Variants in KIAA0319 observed in about 807,000 individuals in gnomAD.
KIAA0319 encodes KIAA0319.
A neutral mutation model predicts 108.4 loss-of-function variants in KIAA0319; 83 were observed. The observed-to-expected ratio is 0.77, with a 90% confidence interval of 0.64 to 0.92. The LOEUF (loss-of-function observed/expected upper bound fraction) is 0.92. Among genes scored for constraint, KIAA0319 ranks in the 40% least tolerant of loss-of-function variants. The probability of loss-of-function intolerance (pLI) is 0.00; values close to 1 mark genes in which losing one functional copy is unlikely to be tolerated. For missense variants in KIAA0319, 1,195 were observed against 1,322.4 expected (o/e 0.90, Z 1.49); for synonymous variants, 484 against 510.4 (o/e 0.95, Z 0.70).
At chr6:24,610,806 T>C (rs1258566448) in intron 1 of KIAA0319, among the ~76,000 whole-genome samples, 2 of 152,070 alleles carry the variant, frequency 1.3e-5, no homozygotes, top group African/African-American at 4.8e-5. Context: ...ACATGAATGT[T>C]CATAATAGCC....
chr6:24,559,992 A>G (rs1216976636), intron 16 of KIAA0319, among the ~76,000 whole-genome samples: 2 of 152,164 alleles, frequency 1.3e-5, no homozygotes, highest in Admixed American at 6.5e-5. Context: ...TTCACTTACC[A>G]TCATGTTTTC....
chr6:24,569,156 TTC>T (rs1262644058), intron 12 of KIAA0319, among the ~76,000 whole-genome samples: 1 of 152,196 alleles, frequency 6.6e-6, no homozygotes, highest in East Asian at 1.9e-4. Flanking sequence ...AGAATATTTG[TTC>T]TCGATTTTTT....
intron 1 of KIAA0319, among the ~76,000 whole-genome samples, chr6:24,615,840 T>A (rs1773074854): frequency 6.6e-6 from 1 of 152,228 alleles, no homozygotes; most frequent in African/African-American, 2.4e-5. Flanking sequence ...CCTACCATGC[T>A]GCACACAGAC....
intron 1 of KIAA0319, among the ~76,000 whole-genome samples, chr6:24,643,262 CTTA>C (rs1777196047): frequency 6.6e-6 from 1 of 152,000 alleles, no homozygotes; most frequent in Non-Finnish European, 1.5e-5. Context: ...AAAATATTTT[CTTA>C]TTATTGAATT....
At chr6:24,610,157 GA>G (rs1772082460) in intron 1 of KIAA0319, among the ~76,000 whole-genome samples, 1 of 152,112 alleles carries the variant, frequency 6.6e-6, no homozygotes, top group Non-Finnish European at 1.5e-5. Flanking sequence ...ACAGCCCACA[GA>G]ATGGGATGAA....
In KIAA0319 at chr6:24,583,689, C is replaced by G; in HGVS notation, c.1008G>C (p.Thr336=). The change falls in exon 5 of 21, where the codon ACG becomes ACC. Residue 336 remains threonine, a synonymous_variant. Transcript: ENST00000378214. ...TTAPRTVKEL[T]VSAGDNLIIT... Reference sequence around the variant, plus strand: ...TAATTAGGTTATCTCCAGCCGATACCGTAAGTTCTTTCACTAAAAGTTAAT... The same window carrying G: ...TAATTAGGTTATCTCCAGCCGATACGGTAAGTTCTTTCACTAAAAGTTAAT... 1 of 1,609,966 alleles carries G rather than the reference C, an allele frequency of 6.2e-7. No homozygotes were observed. Among genetic ancestry groups the G allele is most frequent in the Non-Finnish European group, 8.5e-7 (1 of 1,176,688 alleles).
rs886616830 is a variant in KIAA0319, at chr6:24,609,273, C to CAAAAA, written c.-105-8070_-105-8066dup. ...ACAGAGCCAGACCCTGTCTCAAAAA[C>CAAAAA]AAAAAAAAAAAAAAAAGAAAAAAAA... On this transcript the variant is annotated intron_variant, in intron 1 of 20. Coordinates refer to ENST00000378214, the MANE Select transcript of KIAA0319 (RefSeq NM_014809.4). 8.0e-5 allele frequency among the ~76,000 whole-genome samples: 6 copies of CAAAAA among 74,844 alleles called. No homozygotes were observed. In the East Asian group the frequency reaches 1.5e-3, roughly 19 times the overall value. 49.1% of individuals were successfully genotyped at this position (74,844 alleles called of 152,430 possible). A position where few individuals can be genotyped will look rare whatever the true frequency, so the allele number is the denominator to read the frequency against.
Position 24,599,107 on chromosome 6 carries a change from G to A in KIAA0319, c.55+1942C>T. 1.4e-6 allele frequency: 1 copy of A among 692,710 alleles called. No homozygotes were observed. The allele number at this position is 692,710 out of a possible 1,614,324, so 42.9% of individuals were successfully genotyped here. ...GTGGTGCTGTCCATGGACAACAGCT[G>A]GTCCCTGGACATGGACAGCATCATT... On this transcript the variant is annotated intron_variant, in intron 2 of 20. Coordinates refer to ENST00000378214, the MANE Select transcript of KIAA0319 (RefSeq NM_014809.4). This position sits in a 1 kb window ranked among gnomAD's most constrained non-coding sequence, Gnocchi z 4.1.
At chr6:24,557,943 T>C (rs1762528859) in intron 17 of KIAA0319, among the ~76,000 whole-genome samples, 2 of 152,142 alleles carry the variant, frequency 1.3e-5, no homozygotes, top group African/African-American at 2.4e-5. Flanking sequence ...ATATATCATG[T>C]CATCCTGATT....
At chr6:24,541,678 A>C (rs1376828505), downstream of KIAA0319, among the ~76,000 whole-genome samples, 2 of 152,026 alleles carry the variant, frequency 1.3e-5, no homozygotes, top group African/African-American at 2.4e-5. Flanking sequence ...GGCGCCTGTA[A>C]TCCTAGCTAC....
Position 24,556,712 on chromosome 6 carries a change from A to G in KIAA0319, c.2752T>C (p.Ser918Pro). 3 of 1,613,824 alleles carry G rather than the reference A, an allele frequency of 1.9e-6. No homozygotes were observed. Among genetic ancestry groups the G allele is most frequent in the Non-Finnish European group, 1.7e-6 (2 of 1,179,942 alleles). The stretch of plus-strand genomic sequence containing the variant: ...AGGGGGTCGCAGTGACCATGGCCAG[A>G]ACACTTCAGAAGGCAACCTGCAAAG... ...VDTAGCLLKC[S>P]GHGHCDPLTK... The change falls in exon 18 of 21, where the codon TCT becomes CCT. Residue 918 changes from serine (S) to proline (P), a missense_variant. Physicochemically the swap from Ser to Pro is moderately conservative, Grantham distance 74. Transcript: ENST00000378214.
At chr6:24,564,371 G>A (rs915316764) in intron 14 of KIAA0319, 31 bp from the exon 15 acceptor site, 1 of 1,612,682 alleles carries the variant, frequency 6.2e-7, no homozygotes, top group Non-Finnish European at 8.5e-7. Context: ...CAGGGCAGCT[G>A]TCAATCCTCG....
intron 1 of KIAA0319, among the ~76,000 whole-genome samples, chr6:24,644,187 T>G (rs1348427555): frequency 6.6e-6 from 1 of 152,100 alleles, no homozygotes. Context: ...CCCGTCTGAG[T>G]GAGTGGGTGT....
At position 24,564,115 on chromosome 6, in the gene KIAA0319, C is replaced by T; in HGVS notation, c.2431+87G>A. 15 of 1,550,452 alleles carry T rather than the reference C, an allele frequency of 9.7e-6. No homozygotes were observed. The South Asian group carries it at 1.5e-4, about 16-fold the overall frequency. On this transcript the variant is annotated intron_variant, in intron 15 of 20. Coordinates refer to ENST00000378214, the MANE Select transcript of KIAA0319 (RefSeq NM_014809.4). ...GCTGGAGCCAGCCACAGGAGGCCTC[C>T]CACACTGGTCACATCTGTCAGCGTA...
intron 8 of KIAA0319, 113 bp downstream of exon 8, chr6:24,579,745 C>T (rs1326533204): frequency 2.7e-6 from 2 of 731,218 alleles, no homozygotes; most frequent in Admixed American, 6.1e-5. Context: ...AGGAGGTGAT[C>T]GTTTATCAAA....
At chr6:24,605,415 C>T (rs746050827) in intron 1 of KIAA0319, among the ~76,000 whole-genome samples, 2 of 152,142 alleles carry the variant, frequency 1.3e-5, no homozygotes, top group Non-Finnish European at 2.9e-5. Flanking sequence ...ATTCAGTCTC[C>T]GAATGACCCA....
chr6:24,551,346 C>A (rs1221400389), intron 20 of KIAA0319, 88 bp downstream of exon 20: 14 of 864,850 alleles, frequency 1.6e-5, no homozygotes, highest in Admixed American at 1.1e-4. Flanking sequence ...TCCAGCAAAT[C>A]GTTCTCCCTC....
chr6:24,578,883 T>C (rs564186701), intron 8 of KIAA0319, among the ~76,000 whole-genome samples: 3 of 152,328 alleles, frequency 2.0e-5, no homozygotes, highest in African/African-American at 7.2e-5. Flanking sequence ...CCATACTGAA[T>C]TAGAGGAATC....
chr6:24,583,517 G>T, intron 5 of KIAA0319, 87 bp downstream of exon 5: 1 of 873,722 alleles, frequency 1.1e-6, no homozygotes, highest in South Asian at 1.5e-5. Context: ...CTGTGAAAAA[G>T]AATCGGCGTT....
Sources: gnomAD v4.1 joint callset for allele counts (sites outside exome capture counted in the v4.1 genomes callset) on GRCh38, gnomAD v4.1.1 for gene constraint, Gnocchi (gnomAD v3.1) non-coding constraint, MANE v1.5 for transcripts, NCBI Gene and HGNC (gene_info 2026-07-23, HGNC 2026-07-21) for gene names.